Variants in MYO6 observed in about 807,000 individuals in gnomAD.
MYO6 encodes the protein unconventional myosin-VI.
Under a neutral mutation model 178.7 loss-of-function variants are expected in MYO6, and 74 were observed. The ratio of observed to expected loss-of-function variants is 0.41; its 90% confidence interval spans 0.34 to 0.50. The LOEUF (loss-of-function observed/expected upper bound fraction) is 0.50, where lower values mean the gene tolerates loss of function less well. Ranked by LOEUF, MYO6 falls within the 20% of genes least tolerant of loss-of-function variation. MYO6 has a pLI of 0.09. For missense variants in MYO6, 1,330 were observed against 1,547.4 expected (o/e 0.86, Z 2.36); for synonymous variants, 477 against 504.6 (o/e 0.95, Z 0.73).
At chr6:75,844,380 C>T (rs1028135876) in intron 9 of MYO6, among the ~76,000 whole-genome samples, 4 of 152,076 alleles carry the variant, frequency 2.6e-5, no homozygotes, top group African/African-American at 9.7e-5. Flanking sequence ...AATTTATGTA[C>T]AGTCATTGTT....
At chr6:75,893,426 A>G (rs1385965046) in intron 28 of MYO6, among the ~76,000 whole-genome samples, 1 of 152,210 alleles carries the variant, frequency 6.6e-6, no homozygotes, top group Non-Finnish European at 1.5e-5. Flanking sequence ...TGTTGTATAT[A>G]TACTGAGAGG....
At position 75,885,587 on chromosome 6, in the gene MYO6, C is replaced by G. The variant is rs948018344; in HGVS notation, c.2417-417C>G. 1.8e-4 allele frequency among the ~76,000 whole-genome samples: 28 copies of G among 152,166 alleles called. 1 individual carries two copies. The highest frequency in any genetic ancestry group is 1.8e-3 in the Admixed American group (28 of 15,282). ...CCTCAGCCTCCCATAGCTGGGATTA[C>G]AGGCGCCCGCCACCATGCCTGGCTA... On this transcript the variant is annotated intron_variant, in intron 23 of 34. Transcript: ENST00000369977.
At position 75,918,252 on chromosome 6, in the gene MYO6, A is replaced by G. The variant is rs1022167053; in HGVS notation, c.*3240A>G. The G allele has an allele frequency of 3.3e-5, 5 of 152,220 alleles. No homozygotes were observed. Among genetic ancestry groups the G allele is most frequent in the Admixed American group, 6.5e-5 (1 of 15,276 alleles). The allele number at this position is 152,220 out of a possible 1,614,324, so 9.4% of individuals were successfully genotyped here. ...ATTTCTCCCAGAAGATAAACTAACA[A>G]GGATGGAAGGGGAGGGCAAAGGATA... On this transcript the variant is annotated 3_prime_UTR_variant, in exon 35 of 35. Coordinates refer to ENST00000369977, the MANE Select transcript of MYO6 (RefSeq NM_004999.4).
intron 29 of MYO6, among the ~76,000 whole-genome samples, chr6:75,897,424 C>G (rs1444887627): frequency 6.6e-6 from 1 of 152,152 alleles, no homozygotes; most frequent in African/African-American, 2.4e-5. Flanking sequence ...TGTTCTCTGA[C>G]TGTGCTTTCA....
chr6:75,898,961 C>A (rs989625540), intron 30 of MYO6, among the ~76,000 whole-genome samples: 1 of 152,090 alleles, frequency 6.6e-6, no homozygotes, highest in Non-Finnish European at 1.5e-5. Context: ...TTTGAAGTTA[C>A]AAAGATAATT....
chr6:75,876,184 T>C (rs1028687643), intron 20 of MYO6, among the ~76,000 whole-genome samples: 6 of 152,196 alleles, frequency 3.9e-5, no homozygotes, highest in Non-Finnish European at 8.8e-5. Flanking sequence ...ATTCCTGACA[T>C]GGAGGGGAGC....
chr6:75,813,372 T>C (rs1156265199), intron 1 of MYO6, among the ~76,000 whole-genome samples: 1 of 152,034 alleles, frequency 6.6e-6, no homozygotes, highest in Non-Finnish European at 1.5e-5. Flanking sequence ...GGCCCAAGAG[T>C]TCTCCAGTCA....
At chr6:75,805,021 A>ATATATATATATATAT (rs1252912172) in intron 1 of MYO6, among the ~76,000 whole-genome samples, 2 of 77,310 alleles carry the variant, frequency 2.6e-5, no homozygotes, top group African/African-American at 2.0e-4. Flanking sequence ...ATATATATAT[A>ATATATATATATATAT]TTTTTTTTTT....
chr6:75,800,483 G>A (rs762159377), intron 1 of MYO6, among the ~76,000 whole-genome samples: 4 of 152,112 alleles, frequency 2.6e-5, no homozygotes, highest in Non-Finnish European at 4.4e-5. Flanking sequence ...TCTTACTGGA[G>A]TAATACCCAG....
chr6:75,764,003 G>A (rs1423135996), intron 1 of MYO6, among the ~76,000 whole-genome samples: 1 of 152,120 alleles, frequency 6.6e-6, no homozygotes, highest in Non-Finnish European at 1.5e-5. Context: ...AATAGATCCA[G>A]TGGCCTCATT....
chr6:75,841,147 A>T, intron 8 of MYO6, 67 bp from the exon 9 acceptor site: 1 of 1,431,998 alleles, frequency 7.0e-7, no homozygotes, highest in Non-Finnish European at 9.7e-7. Context: ...AAATAATTTA[A>T]CATTGGTTAA....
At chr6:75,878,276 GGTT>G (rs1777733303) in intron 20 of MYO6, among the ~76,000 whole-genome samples, 1 of 152,056 alleles carries the variant, frequency 6.6e-6, no homozygotes, top group Admixed American at 6.5e-5. Flanking sequence ...CCCATCATAT[GGTT>G]GTAACATAAT....
chr6:75,898,324 T>C (rs1352371848), intron 29 of MYO6, 49 bp from the exon 30 acceptor site: 21 of 1,209,504 alleles, frequency 1.7e-5, no homozygotes, highest in Non-Finnish European at 2.4e-5. Flanking sequence ...AATTAATTTA[T>C]GTAGTATGAC....
intron 1 of MYO6, among the ~76,000 whole-genome samples, chr6:75,783,079 T>C (rs923337484): frequency 3.3e-5 from 5 of 151,980 alleles, no homozygotes; most frequent in Admixed American, 3.3e-4. Flanking sequence ...CATGCCCAGC[T>C]AATTTTTAAT....
At chr6:75,782,800 A>G (rs1050385014) in intron 1 of MYO6, among the ~76,000 whole-genome samples, 9 of 151,796 alleles carry the variant, frequency 5.9e-5, no homozygotes, top group Non-Finnish European at 1.3e-4. Context: ...CTGGCCAAGG[A>G]TTCTGAGTGT....
intron 4 of MYO6, among the ~76,000 whole-genome samples, chr6:75,828,944 T>C (rs1255915466): frequency 6.6e-6 from 1 of 152,174 alleles, no homozygotes; most frequent in East Asian, 1.9e-4. Flanking sequence ...TTTTGATTTT[T>C]GACTTCTGGT....
chr6:75,882,336 T>C (rs1309922183), intron 23 of MYO6, among the ~76,000 whole-genome samples: 1 of 152,248 alleles, frequency 6.6e-6, no homozygotes, highest in African/African-American at 2.4e-5. Flanking sequence ...GCTCCCAGAC[T>C]GGTTTTCCTG....
At chr6:75,876,360 C>T (rs770463005) in intron 20 of MYO6, among the ~76,000 whole-genome samples, 1 of 152,100 alleles carries the variant, frequency 6.6e-6, no homozygotes, top group Non-Finnish European at 1.5e-5. Flanking sequence ...ATTTCCCTGG[C>T]ATATACTAGA....
At position 75,918,297 on chromosome 6, in the gene MYO6, A is replaced by G. The variant is rs944493170; in HGVS notation, c.*3285A>G. 3 of 152,048 alleles carry G rather than the reference A, an allele frequency of 2.0e-5. No individual in the cohort carries two copies. Among genetic ancestry groups the G allele is most frequent in the Admixed American group, 2.0e-4 (3 of 15,266 alleles). 9.4% of individuals were successfully genotyped at this position (152,048 alleles called of 1,614,324 possible). On this transcript the variant is annotated 3_prime_UTR_variant, in exon 35 of 35. Coordinates refer to ENST00000369977, the MANE Select transcript of MYO6 (RefSeq NM_004999.4). ...AGGATATCTAAACATGAGAATAAGGACATGTTAGAGGGGGGGAAACAGTTG... is the reference window on the plus strand; with the variant it reads ...AGGATATCTAAACATGAGAATAAGGGCATGTTAGAGGGGGGGAAACAGTTG...
Sources: allele counts gnomAD v4.1 joint callset (sites outside exome capture counted in the v4.1 genomes callset), GRCh38; gene constraint gnomAD v4.1.1; transcripts MANE v1.5; gene names NCBI Gene and HGNC (gene_info 2026-07-23, HGNC 2026-07-21).